The following ZNF518B variants were observed in gnomAD, a reference collection of about 807,000 sequenced individuals.
The protein encoded by ZNF518B is zinc finger protein 518B.
ZNF518B carries 23 observed loss-of-function variants against 56.3 expected under a neutral mutation model. That is an observed-to-expected ratio of 0.41 (90% CI 0.29 to 0.58). The LOEUF is 0.58. Among genes scored for constraint, ZNF518B ranks in the 20% least tolerant of loss-of-function variants. The probability of loss-of-function intolerance (pLI) is 0.32; values close to 1 mark genes in which losing one functional copy is unlikely to be tolerated. For synonymous variants in ZNF518B, 529 were observed against 465.9 expected, an observed-to-expected ratio of 1.14 and a Z score of -1.74; for missense variants, 1,460 against 1,272.1, an observed-to-expected ratio of 1.15 and a Z score of -2.25.
chr4:10,451,436 A>T (rs1011948354), intron 2 of ZNF518B: 2 of 152,230 alleles, frequency 1.3e-5, no homozygotes, highest in African/African-American at 4.8e-5. Context: ...ACCTGGGTAT[A>T]CCCACTGTTT....
chr4:10,453,097 A>G (rs1441605449), intron 2 of ZNF518B: 1 of 152,244 alleles, frequency 6.6e-6, no homozygotes, highest in Non-Finnish European at 1.5e-5. Context: ...TTGTTAACCT[A>G]TCTGAGCCTG....
chr4:10,460,329 A>C (rs1414831906), upstream of ZNF518B, among the ~76,000 whole-genome samples: 73 of 143,324 alleles, frequency 5.1e-4, no homozygotes, highest in African/African-American at 9.0e-4. Context: ...AAAAACCAAA[A>C]AAAAAAAAAC....
chr4:10,460,070 C>G (rs547788739), upstream of ZNF518B, among the ~76,000 whole-genome samples: 2 of 151,646 alleles, frequency 1.3e-5, no homozygotes, highest in African/African-American at 4.8e-5. Flanking sequence ...TTTGGGAGGC[C>G]GAGGCGGGCA....
At position 10,445,205 on chromosome 4, in the gene ZNF518B, C is replaced by T. The variant is rs1330191866; in HGVS notation, c.1124G>A (p.Gly375Glu). The change falls in exon 3 of 3, where the codon GGG (glycine) becomes GAG (glutamate). Residue 375 changes from glycine to glutamate, a missense_variant. Coordinates refer to ENST00000326756, the MANE Select transcript of ZNF518B (RefSeq NM_053042.3). ...TTCAGAATTACCTCCATTATCCCTC[C>T]CAGCTTCAAGGCAATTATTTTCTTC... ...PLEENNCLEAGRDNGGNSERM... is the reference protein window; with the variant it reads ...PLEENNCLEAERDNGGNSERM... 3 of 1,614,074 alleles carry T rather than the reference C, an allele frequency of 1.9e-6. No individual in the cohort carries two copies. In the African/African-American group the frequency reaches 4.0e-5, roughly 22 times the overall value.
rs995659989 is a variant in ZNF518B, at chr4:10,440,840, G to A, written c.*2264C>T. 2 of 152,150 alleles carry A rather than the reference G, an allele frequency of 1.3e-5. No homozygotes were observed. The highest frequency in any genetic ancestry group is 1.3e-4 in the Admixed American group (2 of 15,254). The allele number at this position is 152,150 out of a possible 1,614,324, so 9.4% of individuals were successfully genotyped here. A position where few individuals can be genotyped will look rare whatever the true frequency, so the allele number is the denominator to read the frequency against. On this transcript the variant is annotated 3_prime_UTR_variant, in exon 3 of 3. Coordinates refer to ENST00000326756, the MANE Select transcript of ZNF518B (RefSeq NM_053042.3). ...AAAAAGCACTATGTGGTGAGGAATAGGAGATAAAAAAGTGGCAAACAAAAC... is the reference window on the plus strand; with the variant it reads ...AAAAAGCACTATGTGGTGAGGAATAAGAGATAAAAAAGTGGCAAACAAAAC...
At chr4:10,458,782 G>A (rs1715650205), upstream of ZNF518B, among the ~76,000 whole-genome samples, 1 of 152,170 alleles carries the variant, frequency 6.6e-6, no homozygotes, top group Admixed American at 6.5e-5. Flanking sequence ...GTTGGGAAAG[G>A]CATTGAGAAT....
At chr4:10,451,407 A>G (rs1388737139) in intron 2 of ZNF518B, 3 of 152,246 alleles carry the variant, frequency 2.0e-5, no homozygotes, top group African/African-American at 7.2e-5. Context: ...TCCCAGCTCT[A>G]TCACTTTCTA....
intron 1 of ZNF518B, 57 bp from the exon 2 acceptor site, chr4:10,455,045 C>T (rs1279592937): frequency 1.3e-5 from 2 of 152,248 alleles, no homozygotes; most frequent in Non-Finnish European, 2.9e-5. Context: ...GCCTTGGTTT[C>T]TCAGAGTGTT....
rs1382455705 is a variant in ZNF518B, at chr4:10,442,483, G to C, written c.*621C>G. 2 of 152,200 alleles carry C rather than the reference G, an allele frequency of 1.3e-5. No homozygotes were observed. Among genetic ancestry groups the C allele is most frequent in the Non-Finnish European group, 2.9e-5 (2 of 68,048 alleles). 9.4% of individuals were successfully genotyped at this position (152,200 alleles called of 1,614,324 possible). On this transcript the variant is annotated 3_prime_UTR_variant, in exon 3 of 3. Transcript: ENST00000326756. ...ACTTGCTGTGAAAGGAGTAAATTCAGGCAAGCAGTTGAAAACATTCTTTAA... is the reference window on the plus strand; with the variant it reads ...ACTTGCTGTGAAAGGAGTAAATTCACGCAAGCAGTTGAAAACATTCTTTAA...
intron 2 of ZNF518B, among the ~76,000 whole-genome samples, chr4:10,449,935 TTCTC>T (rs80209524): frequency 0.034 from 5,236 of 152,332 alleles, 120 homozygotes; most frequent in Non-Finnish European, 0.051. Context: ...TTTGCCATTT[TTCTC>T]TCTAAGTCCT....
At chr4:10,448,508 G>A (rs944722367) in intron 2 of ZNF518B, among the ~76,000 whole-genome samples, 2 of 152,168 alleles carry the variant, frequency 1.3e-5, no homozygotes, top group African/African-American at 4.8e-5. Context: ...TGGCAGTGTC[G>A]TCTTTTCCTA....
In ZNF518B at chr4:10,444,407, G is replaced by C. The variant is rs781265864; in HGVS notation, c.1922C>G (p.Ser641Cys). The change falls in exon 3 of 3, where the codon TCT becomes TGT. Residue 641 changes from serine (S) to cysteine (C), a missense_variant. Ser to Cys is a moderately radical substitution (Grantham distance 112, BLOSUM62 -1). Transcript: ENST00000326756. ...PVISSVFSLS[S>C]GSENVPEGIK... Reference sequence around the variant, plus strand: ...GCCCTCGGGGACATTTTCAGATCCAGAGCTCAGAGAAAATACTGATGAGAT... The same window carrying C: ...GCCCTCGGGGACATTTTCAGATCCACAGCTCAGAGAAAATACTGATGAGAT... 1.2e-6 allele frequency: 2 copies of C among 1,614,166 alleles called. No individual in the cohort carries two copies. Among genetic ancestry groups the C allele is most frequent in the East Asian group, 2.2e-5 (1 of 44,882 alleles).
rs1258325679 is a variant in ZNF518B at position 10,445,162 on chromosome 4, C to G, written c.1167G>C (p.Lys389Asn). 6.2e-7 allele frequency: 1 copy of G among 1,614,178 alleles called. No individual in the cohort carries two copies. The change falls in exon 3 of 3, where the codon AAG becomes AAC. Residue 389 changes from lysine (K) to asparagine (N), a missense_variant. Lys to Asn is a moderately conservative substitution (Grantham distance 94). Transcript: ENST00000326756. The part of the protein sequence containing the change: ...GGNSERMVKE[K>N]GSNEQEKVLS... ...GTACTTTTTCTTGTTCATTTGAACCCTTCTCTTTCACCATACGTTCAGAAT... is the reference window on the plus strand; with the variant it reads ...GTACTTTTTCTTGTTCATTTGAACCGTTCTCTTTCACCATACGTTCAGAAT...
At chr4:10,460,325 C>CAAAA (rs1043723933), upstream of ZNF518B, among the ~76,000 whole-genome samples, 448 of 57,580 alleles carry the variant, frequency 7.8e-3, 100 homozygotes, top group African/African-American at 0.036. Flanking sequence ...AAAAAAAAAC[C>CAAAA]AAAAAAAAAA....
chr4:10,452,365 C>T (rs1050051202), intron 2 of ZNF518B: 4 of 152,010 alleles, frequency 2.6e-5, no homozygotes, highest in African/African-American at 9.7e-5. Flanking sequence ...ATGGCATAAC[C>T]ACTTACAAAT....
rs1421001387 is a variant in ZNF518B at position 10,441,889 on chromosome 4, C to A, written c.*1215G>T. The A allele has an allele frequency of 6.6e-6, 1 of 152,168 alleles. No individual in the cohort carries two copies. Among genetic ancestry groups the A allele is most frequent in the Non-Finnish European group, 1.5e-5 (1 of 68,040 alleles). 9.4% of individuals were successfully genotyped at this position (152,168 alleles called of 1,614,324 possible). On this transcript the variant is annotated 3_prime_UTR_variant, in exon 3 of 3. Coordinates refer to ENST00000326756, the MANE Select transcript of ZNF518B (RefSeq NM_053042.3). Reference sequence around the variant, plus strand: ...TGTGGTTAAGACAAATTAGAAACAGCGTTACTATCAATGAAAACTAGGGAT... The same window carrying A: ...TGTGGTTAAGACAAATTAGAAACAGAGTTACTATCAATGAAAACTAGGGAT...
rs760118712 is a variant in ZNF518B, at chr4:10,445,237, A to G, written c.1092T>C (p.Phe364=). Residue 364 remains phenylalanine, a synonymous_variant, in exon 3 of 3, where the codon TTT becomes TTC. Transcript: ENST00000326756. ...CAAGGCAATTATTTTCTTCCAGCGG[A>G]AACAGTTTCAGAACAAGCTGCTGTG... is the stretch of plus-strand genomic sequence containing the variant. The part of the protein sequence containing the change: ...NGTQQLVLKL[F]PLEENNCLEA... 1.9e-6 allele frequency: 3 copies of G among 1,614,212 alleles called. No homozygotes were observed. Among genetic ancestry groups the G allele is most frequent in the Non-Finnish European group, 2.5e-6 (3 of 1,180,040 alleles).
At chr4:10,456,654 G>C (rs1422904723) in intron 1 of ZNF518B, among the ~76,000 whole-genome samples, 1 of 152,316 alleles carries the variant, frequency 6.6e-6, no homozygotes, top group Admixed American at 6.5e-5. Flanking sequence ...GCCTGAGCCT[G>C]GGCGCTCGGA....
upstream of ZNF518B, among the ~76,000 whole-genome samples, chr4:10,457,561 A>C (rs747923031): frequency 6.6e-6 from 1 of 152,154 alleles, no homozygotes; most frequent in Non-Finnish European, 1.5e-5. Context: ...GACCCAGCCG[A>C]GCCCCACTTC....
Sources: gnomAD v4.1 joint callset for allele counts (sites outside exome capture counted in the v4.1 genomes callset) on GRCh38, gnomAD v4.1.1 for gene constraint, MANE v1.5 for transcripts, NCBI Gene and HGNC (gene_info 2026-07-23, HGNC 2026-07-21) for gene names.